The following SAMD4A variants were observed in gnomAD, a reference collection of about 807,000 sequenced individuals.
SAMD4A encodes the protein protein Smaug homolog 1.
In SAMD4A, 33 loss-of-function variants were observed where a neutral mutation model predicts 81.3. The ratio of observed to expected loss-of-function variants is 0.41; its 90% CI spans 0.31 to 0.54. The LOEUF (loss-of-function observed/expected upper bound fraction) is 0.54, where lower values mean the gene tolerates loss of function less well. Ranked by LOEUF, SAMD4A falls within the 20% of genes least tolerant of loss-of-function variation. SAMD4A has a pLI of 0.37. For missense variants in SAMD4A, 854 were observed against 951.1 expected (o/e 0.90, Z 1.34); for synonymous variants, 389 against 382.1 (o/e 1.02, Z -0.21).
chr14:54,684,606 A>AC (rs2036207098), intron 2 of SAMD4A, among the ~76,000 whole-genome samples: 13 of 68,754 alleles, frequency 1.9e-4, no homozygotes, highest in African/African-American at 5.7e-4. Context: ...TTGGCCAGAC[A>AC]CCCCCGCCCC....
chr14:54,660,639 G>A (rs1594781711), intron 2 of SAMD4A, among the ~76,000 whole-genome samples: 1 of 152,156 alleles, frequency 6.6e-6, no homozygotes, highest in East Asian at 1.9e-4. Flanking sequence ...GACATTTGCT[G>A]TGCTCTGGAT....
At chr14:54,580,134 C>T (rs760099402) in intron 2 of SAMD4A, among the ~76,000 whole-genome samples, 2 of 152,204 alleles carry the variant, frequency 1.3e-5, no homozygotes, top group Non-Finnish European at 2.9e-5. Flanking sequence ...CCACTAAGGG[C>T]ACCTGTTAGT....
rs768966337 is a variant in SAMD4A, at chr14:54,764,496, A to C, written c.1552A>C (p.Ile518Leu). 93 of 1,612,980 alleles carry C rather than the reference A, an allele frequency of 5.8e-5. No individual in the cohort carries two copies. The highest frequency in any genetic ancestry group is 7.9e-5 in the Non-Finnish European group (93 of 1,179,318). ...LLVSRPDEEN[I>L]SSYLQLIDKC... ...GGTCTCCAGACCTGATGAGGAAAAT[A>C]TAAGTTCCTATTTACAGCTCATAGA... Residue 518 changes from isoleucine to leucine, a missense_variant, in exon 8 of 13, where the codon ATA becomes CTA. Ile to Leu is a conservative substitution (Grantham distance 5). Transcript: ENST00000554335.
At chr14:54,748,364 C>T (rs1594892399) in intron 4 of SAMD4A, among the ~76,000 whole-genome samples, 1 of 152,200 alleles carries the variant, frequency 6.6e-6, no homozygotes, top group East Asian at 1.9e-4. Flanking sequence ...TCATAGTCTG[C>T]TCATGTAGCT....
chr14:54,609,766 A>G (rs1293465955), intron 2 of SAMD4A, among the ~76,000 whole-genome samples: 1 of 152,234 alleles, frequency 6.6e-6, no homozygotes, highest in East Asian at 1.9e-4. Context: ...GAAAAAAGTA[A>G]TTAAGTCCTT....
intron 11 of SAMD4A, among the ~76,000 whole-genome samples, chr14:54,779,444 A>G (rs951685115): frequency 1.2e-4 from 19 of 152,236 alleles, no homozygotes; most frequent in Admixed American, 7.9e-4. Context: ...GAAGACTACA[A>G]TGCATTTGAA....
At chr14:54,661,319 C>G (rs1410795973) in intron 2 of SAMD4A, among the ~76,000 whole-genome samples, 1 of 152,144 alleles carries the variant, frequency 6.6e-6, no homozygotes, top group Non-Finnish European at 1.5e-5. Flanking sequence ...ATTTTAGATA[C>G]ATAATGTGGA....
chr14:54,616,460 G>A (rs1298624669), intron 2 of SAMD4A, among the ~76,000 whole-genome samples: 1 of 152,246 alleles, frequency 6.6e-6, no homozygotes, highest in East Asian at 1.9e-4. Context: ...TCGTATCATT[G>A]TATGTAGCTG....
At chr14:54,737,534 C>T (rs905215950) in intron 4 of SAMD4A, among the ~76,000 whole-genome samples, 2 of 107,210 alleles carry the variant, frequency 1.9e-5, no homozygotes, top group African/African-American at 3.7e-5. Flanking sequence ...CCCACTCTCT[C>T]TCTCTCTCTT....
intron 2 of SAMD4A, among the ~76,000 whole-genome samples, chr14:54,603,929 A>T (rs1043129997): frequency 1.3e-5 from 2 of 151,980 alleles, no homozygotes; most frequent in Admixed American, 1.3e-4. Context: ...GGTTCAAGCG[A>T]TTTTCCTGCC....
chr14:54,636,891 A>C (rs2035046715), intron 2 of SAMD4A, among the ~76,000 whole-genome samples: 1 of 152,144 alleles, frequency 6.6e-6, no homozygotes, highest in African/African-American at 2.4e-5. Context: ...CCATTGTTGA[A>C]TAGGCGGTTG....
In SAMD4A at chr14:54,742,784, C is replaced by T. The variant is rs548978385; in HGVS notation, c.979+5497C>T. Among the ~76,000 whole-genome samples, 6 of 152,228 alleles carry T rather than the reference C, an allele frequency of 3.9e-5. No homozygotes were observed. In the East Asian group the frequency reaches 1.2e-3, roughly 29 times the overall value. ...AACTGATGTATTATTTGTGTATAGA[C>T]ATGATAAAAGTAGAAAAAGAAACAA... On this transcript the variant is annotated intron_variant, in intron 4 of 12. Coordinates refer to ENST00000554335, the MANE Select transcript of SAMD4A (RefSeq NM_015589.6).
At chr14:54,695,703 C>G (rs1185474014) in intron 2 of SAMD4A, among the ~76,000 whole-genome samples, 1 of 150,734 alleles carries the variant, frequency 6.6e-6, no homozygotes, top group Non-Finnish European at 1.5e-5. Context: ...GCCTGTAATC[C>G]CAGCACTTTG....
At chr14:54,734,218 T>G (rs1407081714) in intron 3 of SAMD4A, among the ~76,000 whole-genome samples, 2 of 152,194 alleles carry the variant, frequency 1.3e-5, no homozygotes, top group Middle Eastern at 3.2e-3. Flanking sequence ...TTGGTTCCTT[T>G]GGAGAACAGA....
chr14:54,706,165 T>C (rs1322599282), intron 3 of SAMD4A, among the ~76,000 whole-genome samples: 1 of 150,470 alleles, frequency 6.6e-6, no homozygotes. Context: ...CTGAACAACA[T>C]AGCTAGACCC....
intron 2 of SAMD4A, among the ~76,000 whole-genome samples, chr14:54,606,213 G>GTGTGTGTGCA (rs1555335555): frequency 1.4e-5 from 2 of 144,416 alleles, no homozygotes; most frequent in Non-Finnish European, 3.0e-5. Flanking sequence ...GTGTGTGTGT[G>GTGTGTGTGCA]CGTGCACGTG....
chr14:54,623,160 C>T (rs1566552533), intron 2 of SAMD4A, among the ~76,000 whole-genome samples: 1 of 152,102 alleles, frequency 6.6e-6, no homozygotes, highest in East Asian at 1.9e-4. Flanking sequence ...CACATCAGGC[C>T]AGCCCTCTTT....
intron 3 of SAMD4A, among the ~76,000 whole-genome samples, chr14:54,717,440 C>CA (rs921636353): frequency 0.039 from 3,852 of 98,812 alleles, 60 homozygotes; most frequent in Non-Finnish European, 0.05. Flanking sequence ...GACCCTGTCT[C>CA]AAAAAAAAAA....
intron 6 of SAMD4A, among the ~76,000 whole-genome samples, chr14:54,756,258 G>A (rs1040716118): frequency 6.6e-6 from 1 of 152,098 alleles, no homozygotes; most frequent in Non-Finnish European, 1.5e-5. Flanking sequence ...CTGATTTTAA[G>A]AAAAAGAAAC....
Sources: allele counts gnomAD v4.1 joint callset (sites outside exome capture counted in the v4.1 genomes callset), GRCh38; gene constraint gnomAD v4.1.1; transcripts MANE v1.5; gene names NCBI Gene and HGNC (gene_info 2026-07-23, HGNC 2026-07-21).